The following CSF1R variants were observed in gnomAD, a reference collection of about 807,000 sequenced individuals.
CSF1R encodes colony stimulating factor 1 receptor, also known as macrophage colony-stimulating factor 1 receptor.
A neutral mutation model predicts 110.0 loss-of-function variants in CSF1R; 40 were observed. That is an observed-to-expected ratio of 0.36 (90% CI 0.28 to 0.47). The LOEUF (loss-of-function observed/expected upper bound fraction) is 0.47. Among genes scored for constraint, CSF1R ranks in the 20% least tolerant of loss-of-function variants. The pLI, the probability that CSF1R is intolerant of heterozygous loss-of-function variation, is 0.99. For synonymous variants in CSF1R, 523 were observed against 503.4 expected, an observed-to-expected ratio of 1.04 and a Z score of -0.52; for missense variants, 1,052 against 1,253.0, an observed-to-expected ratio of 0.84 and a Z score of 2.42.
rs373205661 is a variant in CSF1R, at chr5:150,053,839, G to C, written c.*230C>G. On this transcript the variant is annotated 3_prime_UTR_variant, in exon 21 of 21. Coordinates refer to ENST00000675795, the MANE Select transcript of CSF1R (RefSeq NM_001288705.3). The stretch of plus-strand genomic sequence containing the variant: ...ACACCATGAGAACAGTAGGGGAGGG[G>C]GGGGTGAGGGCTCAGCCCCCAGCCC... 1.0e-5 allele frequency: 6 copies of C among 589,396 alleles called. No individual in the cohort carries two copies. The highest frequency in any genetic ancestry group is 9.0e-5 in the Admixed American group (3 of 33,466). 36.5% of individuals were successfully genotyped at this position (589,396 alleles called of 1,614,324 possible). A position where few individuals can be genotyped will look rare whatever the true frequency, so the allele number is the denominator to read the frequency against.
Position 150,061,557 on chromosome 5 carries a change from C to T in CSF1R, c.1792G>A (p.Glu598Lys). ...LGAGAFGKVV[E>K]ATAFGLGKED... ...TTGCCCAGACCAAAGGCCGTGGCCT[C>T]CACCACCTTCCCAAAGGCTCCAGCT... The change falls in exon 12 of 21, where the codon GAG (glutamate) becomes AAG (lysine). Residue 598 changes from glutamate to lysine, a missense_variant. By Grantham distance (56) the Glu-to-Lys change is moderately conservative. Coordinates refer to ENST00000675795, the MANE Select transcript of CSF1R (RefSeq NM_001288705.3). The T allele has an allele frequency of 1.9e-6, 3 of 1,614,030 alleles. No individual in the cohort carries two copies. Among genetic ancestry groups the T allele is most frequent in the Non-Finnish European group, 2.5e-6 (3 of 1,179,990 alleles).
chr5:150,061,464 C>G, intron 12 of CSF1R, 27 bp downstream of exon 12: 4 of 887,716 alleles, frequency 4.5e-6, no homozygotes, highest in Non-Finnish European at 5.3e-6. Flanking sequence ...CCCCCCATCC[C>G]TTCCCTCATC....
At position 150,084,343 on chromosome 5, in the gene CSF1R, AAAAGAAAG is replaced by A. The variant is rs747780303; in HGVS notation, c.49+2028_49+2035del. ...AAGACTCGGTCTCAAAAAGATAGAAAAAAGAAAGAAAGAAAGAAAGAAAGAAAGAAAGA... is the reference window on the plus strand; with the variant it reads ...AAGACTCGGTCTCAAAAAGATAGAAAAAAGAAAGAAAGAAAGAAAGAAAGA... On this transcript the variant is annotated intron_variant, in intron 1 of 20. Coordinates refer to ENST00000675795, the MANE Select transcript of CSF1R (RefSeq NM_001288705.3). 9.3e-4 allele frequency among the ~76,000 whole-genome samples: 79 copies of A among 84,542 alleles called. 3 individuals are homozygous for A. Among genetic ancestry groups the A allele is most frequent in the South Asian group, 3.5e-3 (7 of 2,010 alleles). 55.5% of individuals were successfully genotyped at this position (84,542 alleles called of 152,430 possible).
chr5:150,101,788 A>G (rs1201221201), intron 1 of CSF1R, among the ~76,000 whole-genome samples: 2 of 151,746 alleles, frequency 1.3e-5, no homozygotes, highest in African/African-American at 4.8e-5. Flanking sequence ...CCCCGCCTCA[A>G]CTGCTTGTAA....
At chr5:150,111,901 C>T (rs563482446) in intron 1 of CSF1R, among the ~76,000 whole-genome samples, 1 of 152,318 alleles carries the variant, frequency 6.6e-6, no homozygotes, top group Admixed American at 6.5e-5. Context: ...ACCATTGCCT[C>T]TTGATTTTTG....
intron 2 of CSF1R, 60 bp downstream of exon 2, chr5:150,080,707 G>T (rs1561940017): frequency 6.3e-7 from 1 of 1,594,714 alleles, no homozygotes; most frequent in Non-Finnish European, 8.6e-7. Context: ...TTAATTTTAG[G>T]GCCCATTGTA....
intron 1 of CSF1R, among the ~76,000 whole-genome samples, chr5:150,091,785 G>A (rs1759047635): frequency 1.5e-5 from 2 of 129,878 alleles, no homozygotes; most frequent in East Asian, 4.8e-4. Context: ...CAAAAAAAGA[G>A]AAGGGATAAA....
In CSF1R at chr5:150,098,890, C is replaced by CTTT. The variant is rs34306632; in HGVS notation, c.-180-12286_-180-12284dup. 1.6e-4 allele frequency among the ~76,000 whole-genome samples: 20 copies of CTTT among 128,648 alleles called. 1 individual carries two copies. The highest frequency in any genetic ancestry group is 1.0e-3 in the South Asian group (4 of 3,904). The allele number at this position is 128,648 out of a possible 152,430, so 84.4% of individuals were successfully genotyped here. On this transcript the variant is annotated intron_variant, in intron 1 of 21. Coordinates refer to the CSF1R transcript ENST00000286301. ...CTGATAAGGATGAGAATACAAACAA[C>CTTT]TTTTTTTTTTTTTTTTTTTTGAGAT...
rs3733670 is a variant in CSF1R, at chr5:150,059,717, C to T, written c.2115G>A (p.Glu705=). The change falls in exon 14 of 21, where the codon GAG becomes GAA. Residue 705 remains glutamate, a synonymous_variant. Transcript: ENST00000675795. ...GGGGCTACCTGCGGACATATTTCTTCTCGAGGTGGATGTTCTTATAGTCGA... is the reference window on the plus strand; with the variant it reads ...GGGGCTACCTGCGGACATATTTCTTTTCGAGGTGGATGTTCTTATAGTCGA... ...GGVDYKNIHL[E]KKYVRRDSGF... The T allele has an allele frequency of 9.9e-6, 16 of 1,613,862 alleles. No individual in the cohort carries two copies. In the East Asian group the frequency reaches 3.3e-4, roughly 34 times the overall value.
Position 150,061,160 on chromosome 5 carries a change from G to A in CSF1R, c.1859-188C>T, listed in dbSNP as rs216139. Among the ~76,000 whole-genome samples the A allele has an allele frequency of 0.45, 68,498 of 151,310 alleles. 18,195 individuals are homozygous for A. Among genetic ancestry groups the A allele is most frequent in the Non-Finnish European group, 0.6 (40,443 of 67,686 alleles). On this transcript the variant is annotated intron_variant, in intron 12 of 20. Coordinates refer to ENST00000675795, the MANE Select transcript of CSF1R (RefSeq NM_001288705.3). The stretch of plus-strand genomic sequence containing the variant: ...ACACAGATGGCAGAGAGAGAGAGAG[G>A]AGGGATGAGCCTGTCACTGAGCTGG...
At position 150,098,889 on chromosome 5, in the gene CSF1R, A is replaced by ATTTTTTTTTTTTTTTTTTTTTTT. The variant is rs571440671; in HGVS notation, c.-180-12283_-180-12282insAAAAAAAAAAAAAAAAAAAAAAA. ...GCTGATAAGGATGAGAATACAAACA[A>ATTTTTTTTTTTTTTTTTTTTTTT]CTTTTTTTTTTTTTTTTTTTTGAGA... On this transcript the variant is annotated intron_variant, in intron 1 of 21. Transcript: ENST00000286301. Among the ~76,000 whole-genome samples the ATTTTTTTTTTTTTTTTTTTTTTT allele has an allele frequency of 1.5e-5, 2 of 132,998 alleles. 1 individual carries two copies. The highest frequency in any genetic ancestry group is 3.2e-5 in the Non-Finnish European group (2 of 62,766). 87.3% of individuals were successfully genotyped at this position (132,998 alleles called of 152,430 possible). A position where few individuals can be genotyped will look rare whatever the true frequency, so the allele number is the denominator to read the frequency against.
In CSF1R at chr5:150,061,490, C is replaced by T; in HGVS notation, c.1858+1G>A. 1 of 1,391,998 alleles carries T rather than the reference C, an allele frequency of 7.2e-7. No individual in the cohort carries two copies. The highest frequency in any genetic ancestry group is 1.0e-6 in the Non-Finnish European group (1 of 999,770). 86.2% of individuals were successfully genotyped at this position (1,391,998 alleles called of 1,614,324 possible). A position where few individuals can be genotyped will look rare whatever the true frequency, so the allele number is the denominator to read the frequency against. On this transcript the variant is annotated splice_donor_variant, in intron 12 of 20. Coordinates refer to ENST00000675795, the MANE Select transcript of CSF1R (RefSeq NM_001288705.3). LOFTEE classifies it high-confidence loss of function. ...TTCCCTCATCCCCTCCCCTCACTCA[C>T]ACTTCAGCATCTTCACAGCCACCTT... is the stretch of plus-strand genomic sequence containing the variant.
chr5:150,089,562 G>C (rs1004446167), upstream of CSF1R, among the ~76,000 whole-genome samples: 1 of 152,152 alleles, frequency 6.6e-6, no homozygotes, highest in African/African-American at 2.4e-5. Context: ...CTTAATAAAT[G>C]AAAAACCACC....
intron 13 of CSF1R, among the ~76,000 whole-genome samples, chr5:150,060,226 T>C (rs1283432534): frequency 4.0e-5 from 6 of 150,486 alleles, no homozygotes; most frequent in Admixed American, 2.0e-4. Context: ...ACTCAGGAGG[T>C]TGAGGCAGGA....
rs146809997 is a variant in CSF1R, at chr5:150,099,879, A to C, written c.-180-13272T>G. Among the ~76,000 whole-genome samples the C allele has an allele frequency of 7.6e-4, 116 of 152,324 alleles. 1 individual carries two copies. Among genetic ancestry groups the C allele is most frequent in the African/African-American group, 2.6e-3 (109 of 41,572 alleles). ...GGTCCATTTTATTGTGTGTAAATTA[A>C]ATTTTCATAAAACAATGGGAAAAAA... On this transcript the variant is annotated intron_variant, in intron 1 of 21. Coordinates refer to the CSF1R transcript ENST00000286301.
At chr5:150,099,007 C>T (rs922788018) in intron 1 of CSF1R, among the ~76,000 whole-genome samples, 1 of 150,686 alleles carries the variant, frequency 6.6e-6, no homozygotes, top group Admixed American at 6.6e-5. Context: ...GATTCTCCTG[C>T]CTCAACCTCC....
intron 1 of CSF1R, among the ~76,000 whole-genome samples, chr5:150,081,515 C>T (rs1164403961): frequency 6.6e-6 from 1 of 152,130 alleles, no homozygotes; most frequent in African/African-American, 2.4e-5. Flanking sequence ...TTAGAGAGGT[C>T]CCAAGAATCT....
intron 1 of CSF1R, among the ~76,000 whole-genome samples, chr5:150,101,961 T>G (rs1759418172): frequency 6.6e-6 from 1 of 152,126 alleles, no homozygotes; most frequent in Non-Finnish European, 1.5e-5. Flanking sequence ...TTCATAGAGA[T>G]TTACCATATT....
rs757362705 is a variant in CSF1R, at chr5:150,069,882, T to C, written c.1501A>G (p.Ile501Val). ...GAAGGCTCCCTCTCACCTGCAGAGA[T>C]GGGTATGAAGGCCCAGGAGCCACTC... ...VGSGSWAFIP[I>V]SAGAHTHPPD... The change falls in exon 9 of 21, where the codon ATC becomes GTC. Residue 501 changes from isoleucine to valine, a missense_variant. Ile to Val is a conservative substitution (Grantham distance 29). Around this residue, in one of 5 missense-constraint regions of CSF1R, gnomAD observed 693 missense variants for 735.4 expected, o/e 0.94. Coordinates refer to ENST00000675795, the MANE Select transcript of CSF1R (RefSeq NM_001288705.3). 7.5e-6 allele frequency: 12 copies of C among 1,608,530 alleles called. No homozygotes were observed. Among genetic ancestry groups the C allele is most frequent in the South Asian group, 3.3e-5 (3 of 90,806 alleles).
Sources: allele counts gnomAD v4.1 joint callset (sites outside exome capture counted in the v4.1 genomes callset), GRCh38; gene constraint gnomAD v4.1.1; regional missense constraint gnomAD v4.1.1; transcripts MANE v1.5; gene names NCBI Gene and HGNC (gene_info 2026-07-23, HGNC 2026-07-21).